The following AGBL4 variants were observed in gnomAD, a reference collection of about 807,000 sequenced individuals.
AGBL4 encodes the protein cytosolic carboxypeptidase 6.
In AGBL4, 58 loss-of-function variants were observed where a neutral mutation model predicts 66.4. That is an observed-to-expected ratio of 0.87 (90% CI 0.71 to 1.09). The LOEUF (loss-of-function observed/expected upper bound fraction) is 1.09. Ranked by LOEUF, AGBL4 falls within the 50% of genes least tolerant of loss-of-function variation. The pLI, the probability that AGBL4 is intolerant of heterozygous loss-of-function variation, is 0.00. For missense variants in AGBL4, 579 were observed against 631.0 expected, an observed-to-expected ratio of 0.92 and a Z score of 0.88; for synonymous variants, 234 against 222.9, an observed-to-expected ratio of 1.05 and a Z score of -0.44.
chr1:49,268,616 A>T (rs1316794288), intron 3 of AGBL4, among the ~76,000 whole-genome samples: 5 of 152,074 alleles, frequency 3.3e-5, no homozygotes, highest in African/African-American at 1.2e-4. Context: ...AAATTTCTTC[A>T]GTACATCCCT....
intron 4 of AGBL4, among the ~76,000 whole-genome samples, chr1:49,112,406 C>T (rs998310437): frequency 6.6e-6 from 1 of 152,198 alleles, no homozygotes; most frequent in Non-Finnish European, 1.5e-5. Flanking sequence ...ACTGACTGAT[C>T]AGGGTGCTAT....
chr1:48,750,900 C>T (rs1651626595), intron 6 of AGBL4, among the ~76,000 whole-genome samples: 1 of 152,056 alleles, frequency 6.6e-6, no homozygotes, highest in Non-Finnish European at 1.5e-5. Context: ...AGAATTACCC[C>T]CCACACTCAG....
chr1:48,857,024 AT>A (rs1647184290), intron 6 of AGBL4, among the ~76,000 whole-genome samples: 1 of 152,208 alleles, frequency 6.6e-6, no homozygotes, highest in Non-Finnish European at 1.5e-5. Context: ...TTGAATCCTG[AT>A]TCCATTACTT....
chr1:49,241,205 A>C (rs1332334609), intron 4 of AGBL4, among the ~76,000 whole-genome samples: 1 of 152,086 alleles, frequency 6.6e-6, no homozygotes, highest in Non-Finnish European at 1.5e-5. Flanking sequence ...CTAAACTGCC[A>C]ATCTGATCAT....
chr1:48,595,591 G>A (rs2148354950), intron 9 of AGBL4, among the ~76,000 whole-genome samples: 1 of 152,328 alleles, frequency 6.6e-6, no homozygotes, highest in Non-Finnish European at 1.5e-5. Flanking sequence ...ACAGAATGAT[G>A]AAGGGCTGTC....
At chr1:49,675,262 C>T (rs1244558405) in intron 3 of AGBL4, among the ~76,000 whole-genome samples, 1 of 151,944 alleles carries the variant, frequency 6.6e-6, no homozygotes, top group Non-Finnish European at 1.5e-5. Flanking sequence ...CTTTCATGGG[C>T]CCCTTGCCAT....
chr1:49,681,159 T>A (rs1215765933), intron 3 of AGBL4, among the ~76,000 whole-genome samples: 1 of 152,214 alleles, frequency 6.6e-6, no homozygotes, highest in East Asian at 1.9e-4. Flanking sequence ...TGATGGCTGC[T>A]TTAAAAACCT....
At chr1:49,997,897 A>G (rs1660479966) in intron 1 of AGBL4, among the ~76,000 whole-genome samples, 1 of 152,174 alleles carries the variant, frequency 6.6e-6, no homozygotes, top group African/African-American at 2.4e-5. Context: ...ATTAACTCCA[A>G]AAGGAACCCT....
chr1:48,714,590 C>G (rs1223996066), intron 6 of AGBL4, among the ~76,000 whole-genome samples: 1 of 152,210 alleles, frequency 6.6e-6, no homozygotes. Flanking sequence ...TAACTCCAGT[C>G]TCACCCCTTC....
intron 5 of AGBL4, among the ~76,000 whole-genome samples, chr1:48,881,581 G>A (rs528247515): frequency 4.6e-5 from 7 of 152,202 alleles, no homozygotes; most frequent in Admixed American, 2.6e-4. Context: ...AAAGTTTCCC[G>A]TCAAAGATGG....
At chr1:49,074,412 A>G (rs1016181642) in intron 4 of AGBL4, among the ~76,000 whole-genome samples, 1 of 152,158 alleles carries the variant, frequency 6.6e-6, no homozygotes, top group African/African-American at 2.4e-5. Context: ...CTGTCCAACC[A>G]GTCCCAATGA....
At chr1:49,556,020 C>T (rs1305493113) in intron 3 of AGBL4, among the ~76,000 whole-genome samples, 2 of 152,150 alleles carry the variant, frequency 1.3e-5, no homozygotes, top group African/African-American at 4.8e-5. Flanking sequence ...TCAACTATCC[C>T]ATTACTGGGT....
intron 2 of AGBL4, among the ~76,000 whole-genome samples, chr1:49,799,482 G>A (rs969179944): frequency 6.6e-6 from 1 of 152,154 alleles, no homozygotes; most frequent in Non-Finnish European, 1.5e-5. Flanking sequence ...ATCTGAGAAA[G>A]TTGTATGCTA....
Position 49,753,253 on chromosome 1 carries a change from G to A in AGBL4, c.158-55816C>T, listed in dbSNP as rs922185893. Reference sequence around the variant, plus strand: ...GTGCTTCCTTCAGGAGCTCTTGCACGGGCAAGGCTGATGGTGACAAAATCC... The same window carrying A: ...GTGCTTCCTTCAGGAGCTCTTGCACAGGCAAGGCTGATGGTGACAAAATCC... On this transcript the variant is annotated intron_variant, in intron 2 of 13. Coordinates refer to ENST00000371839, the MANE Select transcript of AGBL4 (RefSeq NM_032785.4). Among the ~76,000 whole-genome samples, 7 of 152,256 alleles carry A rather than the reference G, an allele frequency of 4.6e-5. No homozygotes were observed. The South Asian group carries it at 1.0e-3, about 23-fold the overall frequency.
chr1:48,530,483 G>A, downstream of AGBL4, among the ~76,000 whole-genome samples: 1 of 152,152 alleles, frequency 6.6e-6, no homozygotes, highest in East Asian at 1.9e-4. Flanking sequence ...TTGAGTTACA[G>A]TGAAAGGATA....
intron 5 of AGBL4, among the ~76,000 whole-genome samples, chr1:48,979,942 T>C (rs1659613718): frequency 6.6e-6 from 1 of 152,108 alleles, no homozygotes. Context: ...CCTCCTAACA[T>C]ACAATAGAGT....
intron 3 of AGBL4, among the ~76,000 whole-genome samples, chr1:49,418,054 C>T (rs1383071096): frequency 6.6e-6 from 1 of 152,144 alleles, no homozygotes; most frequent in Non-Finnish European, 1.5e-5. Context: ...CATTCCAAGT[C>T]TTCCCTTGGA....
At chr1:49,661,948 G>A (rs368723209) in intron 3 of AGBL4, among the ~76,000 whole-genome samples, 2 of 151,894 alleles carry the variant, frequency 1.3e-5, no homozygotes, top group East Asian at 1.9e-4. Context: ...ATAAACAAAT[G>A]GTGCTATAAC....
At chr1:49,483,973 A>C (rs1013782207) in intron 3 of AGBL4, among the ~76,000 whole-genome samples, 2 of 152,096 alleles carry the variant, frequency 1.3e-5, no homozygotes, top group African/African-American at 4.8e-5. Context: ...AAGAAGACAT[A>C]CAAATGGCAA....
Sources: allele counts gnomAD v4.1 joint callset (sites outside exome capture counted in the v4.1 genomes callset), GRCh38; gene constraint gnomAD v4.1.1; transcripts MANE v1.5; gene names NCBI Gene and HGNC (gene_info 2026-07-23, HGNC 2026-07-21).